Variants in CCDC63 observed in about 807,000 individuals in gnomAD.
CCDC63 encodes coiled-coil domain containing 63.
CCDC63 carries 54 observed loss-of-function variants against 63.6 expected under a neutral mutation model. The observed-to-expected ratio is 0.85, with a 90% confidence interval of 0.68 to 1.07. CCDC63 has a LOEUF of 1.07. Ranked by LOEUF, CCDC63 falls within the 50% of genes least tolerant of loss-of-function variation. The pLI is 0.00. For missense variants in CCDC63, 637 were observed against 689.6 expected (o/e 0.92, Z 0.86); for synonymous variants, 253 against 266.1 (o/e 0.95, Z 0.48).
Position 110,873,856 on chromosome 12 carries a change from A to G in CCDC63, c.384A>G (p.Glu128=), listed in dbSNP as rs764195449. 8.1e-6 allele frequency: 13 copies of G among 1,612,772 alleles called. No individual in the cohort carries two copies. The East Asian group carries it at 2.9e-4, about 36-fold the overall frequency. ...AELDEKILQM[E]KKIANQKQIF... ...CTCTTTTTCAGATTCTTCAGATGGA[A>G]AAAAAAATCGCAAACCAAAAACAGA... The change falls in exon 5 of 12, where the codon GAA becomes GAG. Residue 128 remains glutamate, a synonymous_variant. Coordinates refer to ENST00000308208, the MANE Select transcript of CCDC63 (RefSeq NM_152591.3).
In CCDC63 at chr12:110,867,828, G is replaced by A. The variant is rs539788385; in HGVS notation, c.370-6014G>A. On this transcript the variant is annotated intron_variant, in intron 4 of 11. Transcript: ENST00000308208. ...TCCTCACTTCCCAGTAGGGGCGGCC[G>A]GGCAGAGGCGCCCCTCACCTCCCGG... Among the ~76,000 whole-genome samples, 341 of 150,856 alleles carry A rather than the reference G, an allele frequency of 2.3e-3. 1 individual carries two copies. Among genetic ancestry groups the A allele is most frequent in the African/African-American group, 8.1e-3 (329 of 40,752 alleles).
At chr12:110,898,021 C>T (rs947193938) in intron 9 of CCDC63, among the ~76,000 whole-genome samples, 1 of 152,108 alleles carries the variant, frequency 6.6e-6, no homozygotes, top group African/African-American at 2.4e-5. Context: ...GTGGCTCATG[C>T]CTGTAATCTC....
At chr12:110,863,153 G>T (rs1402441282) in intron 4 of CCDC63, among the ~76,000 whole-genome samples, 1 of 151,350 alleles carries the variant, frequency 6.6e-6, no homozygotes, top group East Asian at 1.9e-4. Context: ...TGCACTGGGG[G>T]CGCTGCCTGT....
chr12:110,883,939 C>T (rs923037243), intron 7 of CCDC63, 91 bp from the exon 8 acceptor site: 2 of 1,023,184 alleles, frequency 2.0e-6, no homozygotes, highest in Admixed American at 3.6e-5. Context: ...CATGCCTGGC[C>T]ACAATAATAT....
intron 10 of CCDC63, among the ~76,000 whole-genome samples, chr12:110,900,573 A>G (rs1479961750): frequency 6.6e-6 from 1 of 151,092 alleles, no homozygotes; most frequent in African/African-American, 2.4e-5. Context: ...AATGGCTTCC[A>G]CTGCTCCTTG....
intron 9 of CCDC63, 114 bp downstream of exon 9, chr12:110,893,264 C>A: frequency 1.2e-6 from 1 of 801,948 alleles, no homozygotes; most frequent in Non-Finnish European, 2.1e-6. Flanking sequence ...TTCTCAGGAG[C>A]AGTAAGAGGT....
At chr12:110,897,150 G>A (rs1033229047) in intron 9 of CCDC63, among the ~76,000 whole-genome samples, 15 of 151,998 alleles carry the variant, frequency 9.9e-5, no homozygotes, top group Non-Finnish European at 2.1e-4. Flanking sequence ...ATATTGATTC[G>A]AGGCTGGGTG....
chr12:110,880,752 G>GTAA (rs2136697164), intron 6 of CCDC63, among the ~76,000 whole-genome samples: 4 of 470 alleles, frequency 8.5e-3, no homozygotes, highest in East Asian at 0.042. Context: ...GATGGTGATG[G>GTAA]TGGTGATGAT....
At chr12:110,866,543 G>A (rs1350615373) in intron 4 of CCDC63, among the ~76,000 whole-genome samples, 5 of 142,156 alleles carry the variant, frequency 3.5e-5, no homozygotes, top group Admixed American at 7.1e-5. Context: ...CTGCCTTCAA[G>A]CATCTGTTTA....
chr12:110,881,028 A>T, intron 6 of CCDC63, 87 bp from the exon 7 acceptor site: 1 of 1,196,392 alleles, frequency 8.4e-7, no homozygotes, highest in Non-Finnish European at 1.1e-6. Flanking sequence ...GTCATTCTCT[A>T]GGCAGGAAGG....
intron 4 of CCDC63, among the ~76,000 whole-genome samples, chr12:110,866,289 C>T (rs1053472616): frequency 2.0e-5 from 3 of 147,422 alleles, no homozygotes; most frequent in African/African-American, 5.1e-5. Flanking sequence ...AAAGATAAAC[C>T]GTAATTTGCT....
Position 110,853,572 on chromosome 12 carries a change from G to T in CCDC63, c.177G>T (p.Gln59His), listed in dbSNP as rs529976839. 3.1e-6 allele frequency: 5 copies of T among 1,614,180 alleles called. No individual in the cohort carries two copies. The South Asian group carries it at 5.5e-5, about 18-fold the overall frequency. Residue 59 changes from glutamine (Q) to histidine (H), a missense_variant and splice_region_variant, in exon 3 of 12, where the codon CAG becomes CAT. Transcript: ENST00000308208. The stretch of plus-strand genomic sequence containing the variant: ...GAAACCAGCAGAAGATTGCGAGTCA[G>T]TAGTAAGTGATGGTTGGAGTTTCGC... ...KFRNQQKIAS[Q>H]YKEIKTLKTE...
At position 110,880,051 on chromosome 12, in the gene CCDC63, T is replaced by C. The variant is rs12371434; in HGVS notation, c.635T>C (p.Leu212Ser). The C allele has an allele frequency of 5.5e-3, 8,944 of 1,614,126 alleles. 51 individuals carry two copies. Among genetic ancestry groups the C allele is most frequent in the South Asian group, 0.014 (1,239 of 91,080 alleles). ...CLLMEKKTMN[L>S]AIEQSSQAYE... ...TTGATGGAGAAGAAAACCATGAACT[T>C]GGCCATTGAGCAATCTTCTCAGGCC... Residue 212 changes from leucine to serine, a missense_variant, in exon 6 of 12, where the codon TTG becomes TCG. By Grantham distance (145) the Leu-to-Ser change is moderately radical (BLOSUM62 -2). Coordinates refer to ENST00000308208, the MANE Select transcript of CCDC63 (RefSeq NM_152591.3).
chr12:110,896,739 A>G (rs1441700221), intron 9 of CCDC63, among the ~76,000 whole-genome samples: 1 of 152,092 alleles, frequency 6.6e-6, no homozygotes, highest in Admixed American at 6.6e-5. Flanking sequence ...GCCAATTAAG[A>G]CTCTGAATCA....
At chr12:110,872,497 C>CA (rs76607371) in intron 4 of CCDC63, among the ~76,000 whole-genome samples, 46,889 of 152,098 alleles carry the variant, frequency 0.31, 7,513 homozygotes, top group African/African-American at 0.4. Flanking sequence ...GACCAACTCT[C>CA]GTAAAGTTCC....
chr12:110,904,449 C>G (rs12814173), intron 10 of CCDC63, 139 bp from the exon 11 acceptor site: 1 of 687,516 alleles, frequency 1.5e-6, no homozygotes, highest in Non-Finnish European at 2.6e-6. Context: ...AGGAGAAAGC[C>G]TTTTCCTTGT....
At chr12:110,858,391 A>T (rs1791758185) in intron 3 of CCDC63, among the ~76,000 whole-genome samples, 195 bp from the exon 4 acceptor site, 1 of 152,076 alleles carries the variant, frequency 6.6e-6, no homozygotes, top group African/African-American at 2.4e-5. Context: ...GGGCAGCAGG[A>T]AATCATGGTG....
intron 4 of CCDC63, among the ~76,000 whole-genome samples, chr12:110,860,811 A>G (rs978995905): frequency 6.6e-6 from 1 of 151,956 alleles, no homozygotes; most frequent in Non-Finnish European, 1.5e-5. Context: ...CTGGTCTCGA[A>G]CTCCTGACCT....
At chr12:110,854,867 C>T (rs182719673) in intron 3 of CCDC63, among the ~76,000 whole-genome samples, 4 of 152,166 alleles carry the variant, frequency 2.6e-5, no homozygotes, top group African/African-American at 7.2e-5. Context: ...GGTGCCATCT[C>T]GGCTCACTGC....
Sources: gnomAD v4.1 joint callset for allele counts (sites outside exome capture counted in the v4.1 genomes callset) on GRCh38, gnomAD v4.1.1 for gene constraint, MANE v1.5 for transcripts, NCBI Gene and HGNC (gene_info 2026-07-23, HGNC 2026-07-21) for gene names.